The following ADGRB3 variants were observed in gnomAD, a reference collection of about 807,000 sequenced individuals.
The protein encoded by ADGRB3 is brain-specific angiogenesis inhibitor 3.
ADGRB3 carries 37 observed loss-of-function variants against 193.4 expected under a neutral mutation model. The ratio of observed to expected loss-of-function variants is 0.19; its 90% CI spans 0.15 to 0.25. The LOEUF is 0.25. Ranked by LOEUF, ADGRB3 falls within the 10% of genes least tolerant of loss-of-function variation. ADGRB3 has a pLI of 1.00. For synonymous variants in ADGRB3, 690 were observed against 644.2 expected (o/e 1.07, Z -1.08); for missense variants, 1,637 against 1,852.9 (o/e 0.88, Z 2.14).
At chr6:68,847,327 A>G (rs1342989462) in intron 3 of ADGRB3, among the ~76,000 whole-genome samples, 1 of 152,098 alleles carries the variant, frequency 6.6e-6, no homozygotes, top group Non-Finnish European at 1.5e-5. Context: ...GAATGTTGGG[A>G]AGGCATGATT....
chr6:69,007,877 T>C (rs1405772449), intron 11 of ADGRB3, among the ~76,000 whole-genome samples: 5 of 152,122 alleles, frequency 3.3e-5, no homozygotes, highest in Non-Finnish European at 5.9e-5. Flanking sequence ...GGCTGGAAAG[T>C]CCAACATCAA....
intron 27 of ADGRB3, among the ~76,000 whole-genome samples, chr6:69,355,514 G>T (rs3799092): frequency 6.6e-6 from 1 of 152,154 alleles, no homozygotes; most frequent in Non-Finnish European, 1.5e-5. Flanking sequence ...ATTATGGTTA[G>T]AGAATTGCCT....
At chr6:69,159,639 T>C (rs1774933172) in intron 17 of ADGRB3, among the ~76,000 whole-genome samples, 10 of 152,164 alleles carry the variant, frequency 6.6e-5, no homozygotes, top group Admixed American at 6.5e-4. Context: ...CTAATGATTA[T>C]ATACATTTGT....
intron 3 of ADGRB3, among the ~76,000 whole-genome samples, chr6:68,858,797 T>C (rs1765067011): frequency 6.6e-6 from 1 of 152,122 alleles, no homozygotes; most frequent in Non-Finnish European, 1.5e-5. Context: ...GTCCCTAGAC[T>C]GCACACAGTG....
chr6:68,821,361 C>T (rs1767745304), intron 3 of ADGRB3, among the ~76,000 whole-genome samples: 1 of 151,886 alleles, frequency 6.6e-6, no homozygotes, highest in Admixed American at 6.6e-5. Context: ...GTAGATTTTA[C>T]TTTTTCTTCT....
At chr6:69,311,850 C>A (rs1319378423) in intron 20 of ADGRB3, among the ~76,000 whole-genome samples, 2 of 151,738 alleles carry the variant, frequency 1.3e-5, no homozygotes, top group East Asian at 3.9e-4. Flanking sequence ...TGTGATTCTT[C>A]TTTTAGTATT....
intron 3 of ADGRB3, among the ~76,000 whole-genome samples, chr6:68,699,382 TA>T (rs1443278162): frequency 1.3e-5 from 2 of 152,116 alleles, no homozygotes; most frequent in Non-Finnish European, 2.9e-5. Flanking sequence ...CTTTATAAAA[TA>T]AAACAGAAAT....
intron 3 of ADGRB3, among the ~76,000 whole-genome samples, chr6:68,716,320 T>G (rs1452302802): frequency 2.0e-5 from 3 of 151,722 alleles, no homozygotes; most frequent in Non-Finnish European, 4.4e-5. Flanking sequence ...TATTTATAAG[T>G]GCAATCTAAT....
chr6:68,971,667 T>C (rs1362474420), intron 8 of ADGRB3, among the ~76,000 whole-genome samples: 2 of 152,220 alleles, frequency 1.3e-5, no homozygotes, highest in African/African-American at 4.8e-5. Flanking sequence ...GATGACTGTA[T>C]GTGTTCCTAA....
intron 3 of ADGRB3, among the ~76,000 whole-genome samples, chr6:68,866,234 G>A (rs1475970025): frequency 1.3e-5 from 2 of 152,144 alleles, no homozygotes; most frequent in African/African-American, 4.8e-5. Flanking sequence ...GGATCATGGG[G>A]CCAGTTTCTC....
chr6:69,344,161 A>G (rs114725537), intron 26 of ADGRB3, among the ~76,000 whole-genome samples: 42 of 152,306 alleles, frequency 2.8e-4, no homozygotes, highest in African/African-American at 1.0e-3. Context: ...ACTAAATGGA[A>G]GGATAAAAGG....
intron 17 of ADGRB3, among the ~76,000 whole-genome samples, chr6:69,206,352 C>A (rs1053941561): frequency 1.3e-5 from 2 of 151,952 alleles, no homozygotes; most frequent in African/African-American, 4.8e-5. Flanking sequence ...CTTTCCCCGC[C>A]CACTGACTCA....
intron 17 of ADGRB3, among the ~76,000 whole-genome samples, chr6:69,211,253 G>A (rs909322587): frequency 6.6e-6 from 1 of 152,156 alleles, no homozygotes; most frequent in African/African-American, 2.4e-5. Context: ...ACCTATAGCT[G>A]GGTCAGTCAT....
chr6:68,832,157 T>A lies in ADGRB3; in HGVS notation c.758-98402T>A, dbSNP rs189551318. Among the ~76,000 whole-genome samples the A allele has an allele frequency of 5.4e-3, 820 of 152,274 alleles. 8 individuals carry two copies. Among genetic ancestry groups the A allele is most frequent in the African/African-American group, 0.019 (772 of 41,572 alleles). ...ATCTAGTAGGATTAGACAAAATTAA[T>A]ATAAAACTCTTAAGATTGTTGACAT... On this transcript the variant is annotated intron_variant, in intron 3 of 31. Transcript: ENST00000370598.
intron 17 of ADGRB3, among the ~76,000 whole-genome samples, chr6:69,194,452 C>A (rs562644255): frequency 6.6e-6 from 1 of 152,118 alleles, no homozygotes; most frequent in Non-Finnish European, 1.5e-5. Flanking sequence ...CTTAATACTT[C>A]GCTGGTTCCT....
intron 31 of ADGRB3, among the ~76,000 whole-genome samples, chr6:69,383,236 G>A (rs866163491): frequency 6.6e-6 from 1 of 151,872 alleles, no homozygotes; most frequent in South Asian, 2.1e-4. Context: ...TTAAAATTAA[G>A]TTTCTTTTCA....
intron 3 of ADGRB3, among the ~76,000 whole-genome samples, chr6:68,753,938 T>C (rs565014510): frequency 1.3e-5 from 2 of 152,126 alleles, no homozygotes; most frequent in Non-Finnish European, 2.9e-5. Flanking sequence ...TTAAATCATT[T>C]GAAATAGTAG....
intron 3 of ADGRB3, among the ~76,000 whole-genome samples, chr6:68,649,464 T>C (rs1163437128): frequency 6.6e-6 from 1 of 152,140 alleles, no homozygotes; most frequent in Non-Finnish European, 1.5e-5. Flanking sequence ...ATTGACATAC[T>C]ACTTAATGTA....
intron 20 of ADGRB3, among the ~76,000 whole-genome samples, chr6:69,292,723 T>A (rs942601592): frequency 2.0e-5 from 3 of 152,086 alleles, no homozygotes. Flanking sequence ...CTTTTTTTTT[T>A]TTATTATTAC....
Sources: allele counts gnomAD v4.1 joint callset (sites outside exome capture counted in the v4.1 genomes callset), GRCh38; gene constraint gnomAD v4.1.1; transcripts MANE v1.5; gene names NCBI Gene and HGNC (gene_info 2026-07-23, HGNC 2026-07-21).